CNTNAP2: variants seen among roughly 807,000 people sequenced by gnomAD.
The protein encoded by CNTNAP2 is contactin-associated protein-like 2.
A neutral mutation model predicts 155.2 loss-of-function variants in CNTNAP2; 98 were observed. That is an observed-to-expected ratio of 0.63 (90% CI 0.54 to 0.75). The LOEUF (loss-of-function observed/expected upper bound fraction) is 0.75, where lower values mean the gene tolerates loss of function less well. Ranked by LOEUF, CNTNAP2 falls within the 30% of genes least tolerant of loss-of-function variation. The pLI is 0.00. For missense variants in CNTNAP2, 1,727 were observed against 1,688.1 expected (o/e 1.02, Z -0.40); for synonymous variants, 651 against 631.2 (o/e 1.03, Z -0.47).
chr7:147,807,245 C>G (rs765438019), intron 13 of CNTNAP2, among the ~76,000 whole-genome samples: 56 of 144,022 alleles, frequency 3.9e-4, no homozygotes, highest in Non-Finnish European at 3.4e-4. Context: ...ATCACCTGAA[C>G]CCAGGAGATT....
chr7:148,410,939 C>CTA (rs1264527885), intron 23 of CNTNAP2, among the ~76,000 whole-genome samples: 1 of 152,198 alleles, frequency 6.6e-6, no homozygotes, highest in African/African-American at 2.4e-5. Context: ...CCCCTAAATA[C>CTA]TATGACTTGA....
chr7:146,487,134 T>G (rs1167307846), intron 1 of CNTNAP2, among the ~76,000 whole-genome samples: 1 of 152,180 alleles, frequency 6.6e-6, no homozygotes, highest in Non-Finnish European at 1.5e-5. Flanking sequence ...ATGATCTCAT[T>G]GAAATAAGTC....
Position 148,418,580 on chromosome 7 carries a change from A to G in CNTNAP2, c.*2964A>G, listed in dbSNP as rs1214953606. On this transcript the variant is annotated 3_prime_UTR_variant, in exon 24 of 24. Transcript: ENST00000361727. ...TAGGAGATGACTTTGAATGAATGCAAGGTTAGTGAGATCCTAAGCTCTCAA... is the reference window on the plus strand; with the variant it reads ...TAGGAGATGACTTTGAATGAATGCAGGGTTAGTGAGATCCTAAGCTCTCAA... 6.6e-6 allele frequency: 1 copy of G among 152,222 alleles called. No homozygotes were observed. Among genetic ancestry groups the G allele is most frequent in the Non-Finnish European group, 1.5e-5 (1 of 68,036 alleles). 9.4% of individuals were successfully genotyped at this position (152,222 alleles called of 1,614,324 possible).
At position 147,932,075 on chromosome 7, in the gene CNTNAP2, G is replaced by A. The variant is rs897140951; in HGVS notation, c.2255+28354G>A. ...TAATTTTTTTATTGTTTGTAGAGAT[G>A]AGGTCTCACTATATTGCCCAGGCTG... On this transcript the variant is annotated intron_variant, in intron 14 of 23. Coordinates refer to ENST00000361727, the MANE Select transcript of CNTNAP2 (RefSeq NM_014141.6). Among the ~76,000 whole-genome samples the A allele has an allele frequency of 3.3e-5, 5 of 151,994 alleles. No individual in the cohort carries two copies. The South Asian group carries it at 6.2e-4, about 19-fold the overall frequency.
At chr7:146,630,128 C>T (rs1478568398) in intron 1 of CNTNAP2, among the ~76,000 whole-genome samples, 1 of 151,950 alleles carries the variant, frequency 6.6e-6, no homozygotes, top group Non-Finnish European at 1.5e-5. Flanking sequence ...TGCTCTCCCT[C>T]CCCTAGCCCC....
intron 8 of CNTNAP2, among the ~76,000 whole-genome samples, chr7:147,254,276 A>G (rs539804767): frequency 7.0e-4 from 106 of 152,244 alleles, no homozygotes; most frequent in South Asian, 4.1e-3. Flanking sequence ...AGGTTCTATA[A>G]GTTTTTTCGT....
At chr7:147,599,461 C>G (rs1430183871) in intron 12 of CNTNAP2, among the ~76,000 whole-genome samples, 2 of 137,994 alleles carry the variant, frequency 1.4e-5, no homozygotes, top group African/African-American at 5.4e-5. Context: ...CCAGCCTGGG[C>G]AACGAGTGAA....
At position 146,747,407 on chromosome 7, in the gene CNTNAP2, G is replaced by A. The variant is rs141737332; in HGVS notation, c.98-26864G>A. Among the ~76,000 whole-genome samples the A allele has an allele frequency of 2.7e-4, 41 of 152,178 alleles. No homozygotes were observed. The East Asian group carries it at 7.5e-3, about 28-fold the overall frequency. On this transcript the variant is annotated intron_variant, in intron 1 of 23. Coordinates refer to ENST00000361727, the MANE Select transcript of CNTNAP2 (RefSeq NM_014141.6). ...TCTCTGTGTACATGTGCTTTACTAC[G>A]GAAAGAATTTGAAATAAGTTGATTT...
intron 3 of CNTNAP2, among the ~76,000 whole-genome samples, chr7:147,011,670 C>T (rs896438902): frequency 2.0e-5 from 3 of 152,064 alleles, no homozygotes; most frequent in Non-Finnish European, 2.9e-5. Context: ...GCCATGGAAA[C>T]TAGAATTCAT....
intron 3 of CNTNAP2, among the ~76,000 whole-genome samples, chr7:146,997,904 T>C (rs918495062): frequency 6.6e-6 from 1 of 152,112 alleles, no homozygotes; most frequent in Non-Finnish European, 1.5e-5. Flanking sequence ...GTCTGCTTAC[T>C]TGTCTCTGAA....
intron 1 of CNTNAP2, among the ~76,000 whole-genome samples, chr7:146,316,733 G>C (rs946496597): frequency 1.3e-4 from 20 of 151,130 alleles, no homozygotes; most frequent in Middle Eastern, 3.4e-3. Context: ...TATGACAGAA[G>C]TTTTAAATGT....
intron 16 of CNTNAP2, among the ~76,000 whole-genome samples, chr7:148,130,853 G>A (rs1398997251): frequency 6.6e-6 from 1 of 151,992 alleles, no homozygotes; most frequent in Non-Finnish European, 1.5e-5. Flanking sequence ...AAATAAGACA[G>A]AAGACTTCAT....
chr7:147,810,398 C>A (rs1798161139), intron 13 of CNTNAP2, among the ~76,000 whole-genome samples: 1 of 151,722 alleles, frequency 6.6e-6, no homozygotes, highest in Non-Finnish European at 1.5e-5. Flanking sequence ...CTAAAAAAAA[C>A]AGCTGTACTA....
At chr7:146,650,516 G>A (rs1221784444) in intron 1 of CNTNAP2, among the ~76,000 whole-genome samples, 1 of 151,946 alleles carries the variant, frequency 6.6e-6, no homozygotes, top group African/African-American at 2.4e-5. Context: ...ACACAGGGAG[G>A]GGGACATCAC....
Position 146,391,249 on chromosome 7 carries a change from T to C in CNTNAP2, c.97+274276T>C, listed in dbSNP as rs1795539549. Among the ~76,000 whole-genome samples the C allele has an allele frequency of 2.0e-5, 3 of 151,752 alleles. No homozygotes were observed. In the South Asian group the frequency reaches 6.2e-4, roughly 32 times the overall value. ...GGGACGAAGTGGCTGAGAAGCATGA[T>C]CTGGGGTGAGTAACCAATAAACAAA... On this transcript the variant is annotated intron_variant, in intron 1 of 23. Transcript: ENST00000361727.
chr7:146,234,481 T>C (rs1312352950), intron 1 of CNTNAP2, among the ~76,000 whole-genome samples: 1 of 142,112 alleles, frequency 7.0e-6, no homozygotes, highest in Non-Finnish European at 1.6e-5. Context: ...ATCCCATTTG[T>C]CAATTTTGGC....
intron 22 of CNTNAP2, among the ~76,000 whole-genome samples, chr7:148,396,800 T>C (rs1190989111): frequency 1.3e-5 from 2 of 152,228 alleles, no homozygotes; most frequent in African/African-American, 2.4e-5. Context: ...AGTTTGTTCC[T>C]GAGAGCAACG....
At chr7:146,801,765 A>G (rs1802882696) in intron 2 of CNTNAP2, among the ~76,000 whole-genome samples, 1 of 152,216 alleles carries the variant, frequency 6.6e-6, no homozygotes, top group Non-Finnish European at 1.5e-5. Flanking sequence ...CAGATCAAAT[A>G]AAAGTGAGAA....
chr7:147,365,125 C>T (rs1371165313), intron 9 of CNTNAP2, among the ~76,000 whole-genome samples: 2 of 151,636 alleles, frequency 1.3e-5, no homozygotes, highest in Non-Finnish European at 2.9e-5. Flanking sequence ...ATGAATAGGC[C>T]GAGTGCAGTG....
Sources: allele counts gnomAD v4.1 joint callset (sites outside exome capture counted in the v4.1 genomes callset), GRCh38; gene constraint gnomAD v4.1.1; transcripts MANE v1.5; gene names NCBI Gene and HGNC (gene_info 2026-07-23, HGNC 2026-07-21).